The following FER variants were observed in gnomAD, a reference collection of about 807,000 sequenced individuals.
FER encodes the protein tyrosine-protein kinase Fer.
FER carries 63 observed loss-of-function variants against 111.0 expected under a neutral mutation model. That is an observed-to-expected ratio of 0.57 (90% confidence interval 0.46 to 0.70). FER has a LOEUF of 0.70. FER is among the 30% of genes least tolerant of loss of function. The pLI is 0.00. For synonymous variants in FER, 327 were observed against 313.9 expected (o/e 1.04, Z -0.44); for missense variants, 914 against 954.0 (o/e 0.96, Z 0.55).
chr5:108,790,784 C>T (rs1315347786), intron 2 of FER, among the ~76,000 whole-genome samples: 3 of 152,148 alleles, frequency 2.0e-5, no homozygotes, highest in African/African-American at 7.2e-5. Context: ...AAAGGAAATC[C>T]AGCACCCACT....
At chr5:109,165,260 T>C (rs1438000436) in intron 17 of FER, among the ~76,000 whole-genome samples, 2 of 152,174 alleles carry the variant, frequency 1.3e-5, no homozygotes, top group Non-Finnish European at 2.9e-5. Flanking sequence ...CTACAAGAGG[T>C]GATCATTATT....
rs183202659 is a variant in FER, at chr5:108,948,650, C to T, written c.1329+2428C>T. 1.2e-3 allele frequency among the ~76,000 whole-genome samples: 176 copies of T among 152,162 alleles called. 1 individual carries two copies. Among genetic ancestry groups the T allele is most frequent in the Middle Eastern group, 0.01 (3 of 294 alleles). The stretch of plus-strand genomic sequence containing the variant: ...ATGAGGGTCCATTCCAATTGAAAGT[C>T]TTTCAAACCATATTATATTTAATGA... On this transcript the variant is annotated intron_variant, in intron 11 of 19. Coordinates refer to ENST00000281092, the MANE Select transcript of FER (RefSeq NM_005246.4).
chr5:109,004,986 A>C (rs922914084), intron 13 of FER, among the ~76,000 whole-genome samples: 1 of 152,154 alleles, frequency 6.6e-6, no homozygotes, highest in African/African-American at 2.4e-5. Flanking sequence ...ATTAAGGAAC[A>C]AACTGACTAG....
At chr5:109,183,346 TC>T (rs369082018) in intron 18 of FER, among the ~76,000 whole-genome samples, 1 of 145,856 alleles carries the variant, frequency 6.9e-6, no homozygotes, top group African/African-American at 2.7e-5. Context: ...CCTCCTGGGT[TC>T]AAGCAATTCT....
chr5:109,019,879 T>C (rs551324161), intron 13 of FER, among the ~76,000 whole-genome samples: 1 of 151,940 alleles, frequency 6.6e-6, no homozygotes, highest in Non-Finnish European at 1.5e-5. Context: ...AAAATGCTGA[T>C]GGTAACAATA....
At chr5:109,159,480 T>C (rs1259928165) in intron 17 of FER, among the ~76,000 whole-genome samples, 2 of 152,168 alleles carry the variant, frequency 1.3e-5, no homozygotes, top group African/African-American at 4.8e-5. Flanking sequence ...CTGATGGCAA[T>C]TTGAAGTAGT....
At chr5:108,763,121 C>G (rs2149939566) in intron 1 of FER, among the ~76,000 whole-genome samples, 1 of 152,108 alleles carries the variant, frequency 6.6e-6, no homozygotes, top group East Asian at 1.9e-4. Flanking sequence ...GCATAGTAGG[C>G]TTTCAGCAAA....
chr5:108,973,485 TTC>T (rs1429569055), intron 13 of FER, among the ~76,000 whole-genome samples: 6 of 149,848 alleles, frequency 4.0e-5, no homozygotes, highest in Admixed American at 4.0e-4. Context: ...AAAATGAAAC[TTC>T]TTTTTGTTTT....
At chr5:108,871,281 T>C (rs1764574807) in intron 6 of FER, 84 bp from the exon 7 acceptor site, 7 of 1,108,116 alleles carry the variant, frequency 6.3e-6, no homozygotes, top group Middle Eastern at 2.5e-4. Context: ...ACATTTCTTA[T>C]GCTTATTGTT....
intron 13 of FER, among the ~76,000 whole-genome samples, chr5:108,978,826 A>T (rs1761704365): frequency 6.6e-6 from 1 of 152,184 alleles, no homozygotes; most frequent in African/African-American, 2.4e-5. Flanking sequence ...TTACTCAAGG[A>T]CGTGAGTGGC....
intron 10 of FER, among the ~76,000 whole-genome samples, chr5:108,945,907 A>ATTG: frequency 6.6e-6 from 1 of 151,996 alleles, no homozygotes; most frequent in East Asian, 1.9e-4. Context: ...TTTCTTTCTT[A>ATTG]TTGTTTCCCC....
At chr5:108,834,133 TAATTG>T (rs1202989478) in intron 4 of FER, among the ~76,000 whole-genome samples, 1 of 152,210 alleles carries the variant, frequency 6.6e-6, no homozygotes, top group Non-Finnish European at 1.5e-5. Flanking sequence ...TTGCTCTATA[TAATTG>T]AATTTTCTTC....
intron 10 of FER, among the ~76,000 whole-genome samples, chr5:108,928,884 A>C (rs2149574768): frequency 6.6e-6 from 1 of 152,278 alleles, no homozygotes; most frequent in East Asian, 1.9e-4. Flanking sequence ...TGATAGGTGA[A>C]TGCTTTAATC....
At chr5:109,015,041 T>C (rs1198342363) in intron 13 of FER, 1 of 152,106 alleles carries the variant, frequency 6.6e-6, no homozygotes, top group East Asian at 1.9e-4. Context: ...ATGGAATTGG[T>C]GTCTTCAGAA....
At chr5:109,114,509 GA>G (rs1049140907) in intron 17 of FER, among the ~76,000 whole-genome samples, 2 of 151,688 alleles carry the variant, frequency 1.3e-5, no homozygotes, top group African/African-American at 2.4e-5. Context: ...AAATGGATGA[GA>G]AAAAAAATGA....
In FER at chr5:108,995,426, C is replaced by T. The variant is rs373027606; in HGVS notation, c.1656+36079C>T. Among the ~76,000 whole-genome samples the T allele has an allele frequency of 3.3e-5, 5 of 152,002 alleles. No homozygotes were observed. In the East Asian group the frequency reaches 7.7e-4, roughly 24 times the overall value. On this transcript the variant is annotated intron_variant, in intron 13 of 19. Coordinates refer to ENST00000281092, the MANE Select transcript of FER (RefSeq NM_005246.4). ...TGCTATCCCTCTACTAGCCCCCCAC[C>T]CCCCAACAGGCCCCAGTGTGTGATG...
At chr5:109,114,814 G>C (rs1280974006) in intron 17 of FER, among the ~76,000 whole-genome samples, 3 of 151,982 alleles carry the variant, frequency 2.0e-5, no homozygotes, top group Non-Finnish European at 4.4e-5. Flanking sequence ...TTGAGACTGT[G>C]ATTCAAATCA....
intron 5 of FER, among the ~76,000 whole-genome samples, chr5:108,844,536 T>C (rs1268758744): frequency 6.6e-6 from 1 of 152,154 alleles, no homozygotes; most frequent in Non-Finnish European, 1.5e-5. Context: ...ATATTTATTT[T>C]GATAAATTTT....
intron 17 of FER, among the ~76,000 whole-genome samples, chr5:109,155,767 G>A (rs1269764957): frequency 6.6e-6 from 1 of 151,966 alleles, no homozygotes; most frequent in Non-Finnish European, 1.5e-5. Flanking sequence ...AGAAGGGAAA[G>A]TGATGGTCAA....
Sources: gnomAD v4.1 joint callset for allele counts (sites outside exome capture counted in the v4.1 genomes callset) on GRCh38, gnomAD v4.1.1 for gene constraint, MANE v1.5 for transcripts, NCBI Gene and HGNC (gene_info 2026-07-23, HGNC 2026-07-21) for gene names.